The following PCDHA13 variants were observed in gnomAD, a reference collection of about 807,000 sequenced individuals.
PCDHA13 encodes the protein protocadherin alpha-13.
PCDHA13 carries 54 observed loss-of-function variants against 64.8 expected under a neutral mutation model. The observed-to-expected ratio is 0.83, with a 90% confidence interval of 0.67 to 1.04. PCDHA13 has a LOEUF of 1.04. Ranked by LOEUF, PCDHA13 falls within the 50% of genes least tolerant of loss-of-function variation. The pLI is 0.00. For synonymous variants in PCDHA13, 587 were observed against 564.4 expected (o/e 1.04, Z -0.57); for missense variants, 1,248 against 1,254.3 (o/e 0.99, Z 0.08).
intron 1 of PCDHA13, among the ~76,000 whole-genome samples, chr5:140,908,023 A>G (rs797031285): frequency 5.9e-5 from 9 of 152,314 alleles, no homozygotes; most frequent in Admixed American, 2.6e-4. Context: ...GCTACAGCCC[A>G]TTAATCAGTA....
intron 1 of PCDHA13, among the ~76,000 whole-genome samples, chr5:140,969,883 A>G (rs1161815776): frequency 6.6e-6 from 1 of 152,204 alleles, no homozygotes; most frequent in African/African-American, 2.4e-5. Flanking sequence ...ATGTGATAGG[A>G]TCCTCTGGAA....
chr5:140,884,079 A>T lies in PCDHA13; in HGVS notation c.1811A>T (p.Asn604Ile), dbSNP rs2059982825. The T allele has an allele frequency of 3.1e-6, 5 of 1,613,504 alleles. No individual in the cohort carries two copies. The highest frequency in any genetic ancestry group is 4.2e-6 in the Non-Finnish European group (5 of 1,179,736). ...VRAVDADSGY[N>I]AWLSYELQLA... Reference sequence around the variant, plus strand: ...GCGGTGGACGCCGATTCGGGCTACAATGCGTGGCTTTCGTATGAATTGCAG... The same window carrying T: ...GCGGTGGACGCCGATTCGGGCTACATTGCGTGGCTTTCGTATGAATTGCAG... The change falls in exon 1 of 4, where the codon AAT becomes ATT. Residue 604 changes from asparagine (N) to isoleucine (I), a missense_variant. Asn to Ile is a moderately radical substitution (Grantham distance 149). Transcript: ENST00000289272.
At chr5:140,942,950 T>G (rs1461424409) in intron 1 of PCDHA13, among the ~76,000 whole-genome samples, 1 of 151,716 alleles carries the variant, frequency 6.6e-6, no homozygotes, top group Non-Finnish European at 1.5e-5. Context: ...AGTGTAGACG[T>G]TCTGTTATCA....
chr5:140,981,264 C>T (rs2096925155), intron 2 of PCDHA13, among the ~76,000 whole-genome samples: 1 of 152,128 alleles, frequency 6.6e-6, no homozygotes, highest in Non-Finnish European at 1.5e-5. Flanking sequence ...TCAAGATAAG[C>T]AAATGTCTAG....
chr5:140,892,233 C>G (rs1199614913), intron 1 of PCDHA13, among the ~76,000 whole-genome samples: 1 of 152,082 alleles, frequency 6.6e-6, no homozygotes, highest in Non-Finnish European at 1.5e-5. Context: ...TGTTTTGTCT[C>G]CACATAAACC....
intron 2 of PCDHA13, chr5:140,982,235 T>C (rs782570505): frequency 2.6e-5 from 17 of 646,792 alleles, no homozygotes; most frequent in Non-Finnish European, 3.9e-5. Flanking sequence ...AAAAACAGAA[T>C]TGCCATAAAG....
At chr5:140,997,335 A>G (rs2097768018) in intron 3 of PCDHA13, among the ~76,000 whole-genome samples, 1 of 152,230 alleles carries the variant, frequency 6.6e-6, no homozygotes, top group African/African-American at 2.4e-5. Context: ...TTCGTTGTAC[A>G]AATATCATAG....
At chr5:140,911,987 G>A (rs1554195079) in intron 1 of PCDHA13, among the ~76,000 whole-genome samples, 1 of 152,086 alleles carries the variant, frequency 6.6e-6, no homozygotes, top group Admixed American at 6.6e-5. Context: ...TGATCACAAG[G>A]TCCCACAATA....
rs116346509 is a variant in PCDHA13 at position 140,904,582 on chromosome 5, G to A, written c.2394+19920G>A. ...TTTTTTTCCTCTGGGTAGACACCCA[G>A]TAGTGGGACTGCTGGATCAAATAGT... On this transcript the variant is annotated intron_variant, in intron 1 of 3. Transcript: ENST00000289272. Among the ~76,000 whole-genome samples, 650 of 152,092 alleles carry A rather than the reference G, an allele frequency of 4.3e-3. 5 individuals are homozygous for A. The highest frequency in any genetic ancestry group is 5.5e-3 in the Non-Finnish European group (373 of 67,986).
intron 3 of PCDHA13, among the ~76,000 whole-genome samples, chr5:141,001,710 G>A (rs1422821009): frequency 6.6e-6 from 1 of 152,208 alleles, no homozygotes; most frequent in Non-Finnish European, 1.5e-5. Flanking sequence ...AGGGGGCGGG[G>A]AAGGAGCTTG....
intron 1 of PCDHA13, chr5:140,967,338 A>G: frequency 3.7e-6 from 6 of 1,607,948 alleles, no homozygotes; most frequent in Non-Finnish European, 4.3e-6. Flanking sequence ...AGCCCCAGCG[A>G]GCACTTCGAG....
rs2059436763 is a variant in PCDHA13 at position 140,883,096 on chromosome 5, T to G, written c.828T>G (p.Asp276Glu). 1 of 1,614,006 alleles carries G rather than the reference T, an allele frequency of 6.2e-7. No individual in the cohort carries two copies. Among genetic ancestry groups the G allele is most frequent in the Non-Finnish European group, 8.5e-7 (1 of 1,180,024 alleles). ...ATCCTGATGATGGTACAAATGGAGA[T>G]ATAGTTTACTCATTTAGAAGGCCTG... ...ATDPDDGTNG[D>E]IVYSFRRPVW... is the part of the protein sequence containing the mutation. Residue 276 changes from aspartate to glutamate, a missense_variant, in exon 1 of 4, where the codon GAT (aspartate) becomes GAG (glutamate). Transcript: ENST00000289272.
chr5:140,994,105 A>G (rs1264024543), intron 3 of PCDHA13, among the ~76,000 whole-genome samples: 2 of 152,226 alleles, frequency 1.3e-5, no homozygotes, highest in African/African-American at 2.4e-5. Context: ...TGGAAATATT[A>G]CATTGTCATG....
Position 140,884,410 on chromosome 5 carries a change from G to T in PCDHA13, c.2142G>T (p.Thr714=). Residue 714 remains threonine (T), a synonymous_variant, in exon 1 of 4, where the codon ACG becomes ACT. Coordinates refer to ENST00000289272, the MANE Select transcript of PCDHA13 (RefSeq NM_018904.3). ...ICAVSSLLVL[T]LLLYTALRCS... ...CGGTGTCCAGCCTGTTGGTGCTCAC[G>T]TTGCTGCTGTATACTGCGCTGCGGT... 6.2e-7 allele frequency: 1 copy of T among 1,614,008 alleles called. No individual in the cohort carries two copies. The highest frequency in any genetic ancestry group is 1.1e-5 in the South Asian group (1 of 91,084).
At chr5:140,978,703 G>A (rs556167285) in intron 1 of PCDHA13, among the ~76,000 whole-genome samples, 9 of 152,210 alleles carry the variant, frequency 5.9e-5, no homozygotes, top group Non-Finnish European at 1.3e-4. Flanking sequence ...AGCCAAAGGT[G>A]GCCTTTACAA....
At chr5:140,998,196 C>T (rs960565673) in intron 3 of PCDHA13, among the ~76,000 whole-genome samples, 2 of 152,164 alleles carry the variant, frequency 1.3e-5, no homozygotes, top group African/African-American at 4.8e-5. Flanking sequence ...CAAGTATTAA[C>T]TCCTTTAATC....
rs148479176 is a variant in PCDHA13, at chr5:140,884,341, G to A, written c.2073G>A (p.Ala691=). 6.0e-4 allele frequency: 973 copies of A among 1,613,910 alleles called. 19 individuals carry two copies. In the South Asian group the frequency reaches 7.4e-3, roughly 12 times the overall value. The change falls in exon 1 of 4, where the codon GCG becomes GCA. Residue 691 remains alanine (A), a synonymous_variant. Transcript: ENST00000289272. ...CGGCAGGCGCTGTGGGTCCAGAAGC[G>A]GCGCTGGTGGATGTCAATGTTTACT... The part of the protein sequence containing the change: ...RASAGAVGPE[A]ALVDVNVYLI...
intron 1 of PCDHA13, among the ~76,000 whole-genome samples, chr5:140,886,497 T>A (rs2061000599): frequency 6.6e-6 from 1 of 152,160 alleles, no homozygotes; most frequent in Non-Finnish European, 1.5e-5. Context: ...TATATCTTTT[T>A]CCTTTTATGG....
chr5:140,975,380 G>A (rs1554236775), intron 1 of PCDHA13, among the ~76,000 whole-genome samples: 2 of 152,220 alleles, frequency 1.3e-5, no homozygotes, highest in African/African-American at 4.8e-5. Flanking sequence ...GTAATCATGG[G>A]AATAAGATCC....
Sources: gnomAD v4.1 joint callset for allele counts (sites outside exome capture counted in the v4.1 genomes callset) on GRCh38, gnomAD v4.1.1 for gene constraint, MANE v1.5 for transcripts, NCBI Gene and HGNC (gene_info 2026-07-23, HGNC 2026-07-21) for gene names.